The following RNLS variants were observed in gnomAD, a reference collection of about 807,000 sequenced individuals.
RNLS encodes renalase, FAD dependent amine oxidase, also known as renalase.
Under a neutral mutation model 39.8 loss-of-function variants are expected in RNLS, and 39 were observed. The ratio of observed to expected loss-of-function variants is 0.98; its 90% confidence interval spans 0.76 to 1.28. RNLS has a LOEUF of 1.28. Among genes scored for constraint, RNLS ranks in the 50% most tolerant of loss-of-function variants. RNLS has a pLI of 0.00. For missense variants in RNLS, 410 were observed against 413.3 expected (o/e 0.99, Z 0.07); for synonymous variants, 147 against 150.7 (o/e 0.98, Z 0.18).
At chr10:88,374,534 A>G (rs1850814334) in intron 4 of RNLS, among the ~76,000 whole-genome samples, 1 of 152,024 alleles carries the variant, frequency 6.6e-6, no homozygotes, top group South Asian at 2.1e-4. Flanking sequence ...TCCACCTCAC[A>G]CACCTGTTTA....
intron 4 of RNLS, among the ~76,000 whole-genome samples, chr10:88,520,735 T>C (rs943758360): frequency 1.3e-5 from 2 of 152,024 alleles, no homozygotes; most frequent in African/African-American, 4.8e-5. Context: ...AATAGAATCA[T>C]GTCCCCAGAA....
intron 4 of RNLS, among the ~76,000 whole-genome samples, chr10:88,372,144 A>T (rs889070830): frequency 1.3e-5 from 2 of 152,166 alleles, no homozygotes; most frequent in Admixed American, 1.3e-4. Flanking sequence ...TGATCCTGCC[A>T]TACTGGGGGC....
intron 5 of RNLS, among the ~76,000 whole-genome samples, chr10:88,322,027 TAC>T (rs1468943137): frequency 5.9e-5 from 9 of 152,160 alleles, no homozygotes; most frequent in Admixed American, 2.0e-4. Context: ...ATCCCTGATG[TAC>T]ACAGACACAA....
At chr10:88,509,832 C>T (rs1846006170) in intron 4 of RNLS, among the ~76,000 whole-genome samples, 3 of 151,972 alleles carry the variant, frequency 2.0e-5, no homozygotes, top group Admixed American at 2.0e-4. Flanking sequence ...AATAAGATAC[C>T]AATTGGTCAT....
intron 4 of RNLS, among the ~76,000 whole-genome samples, chr10:88,463,515 A>ATT (rs1157058637): frequency 6.6e-6 from 1 of 152,026 alleles, no homozygotes; most frequent in Admixed American, 6.6e-5. Context: ...GTACTTTGTT[A>ATT]CAGCATCCCT....
At chr10:88,192,715 G>A in the RNLS span, among the ~76,000 whole-genome samples, 8 of 152,224 alleles carry the variant, frequency 5.3e-5, no homozygotes, top group Non-Finnish European at 1.0e-4. Flanking sequence ...TTCATCAAAA[G>A]TCTCTTCTGC....
the RNLS span, among the ~76,000 whole-genome samples, chr10:88,258,413 A>C: frequency 2.0e-5 from 3 of 152,208 alleles, no homozygotes; most frequent in Non-Finnish European, 4.4e-5. Context: ...CTAACTCCAC[A>C]ACTCACTTGC....
At chr10:88,456,211 T>C (rs1308597869) in intron 4 of RNLS, among the ~76,000 whole-genome samples, 1 of 152,188 alleles carries the variant, frequency 6.6e-6, no homozygotes, top group Non-Finnish European at 1.5e-5. Flanking sequence ...TCTAAGAAGG[T>C]TGAATAAACA....
intron 4 of RNLS, among the ~76,000 whole-genome samples, chr10:88,438,247 A>G (rs980731595): frequency 6.6e-6 from 1 of 152,122 alleles, no homozygotes; most frequent in East Asian, 1.9e-4. Context: ...CAATCCAGGC[A>G]GAGGGCAAAA....
chr10:88,560,323 CA>C (rs1346259128), intron 4 of RNLS, among the ~76,000 whole-genome samples: 25 of 143,570 alleles, frequency 1.7e-4, no homozygotes, highest in East Asian at 6.1e-4. Context: ...AAGCTGGGGA[CA>C]AAAAAAAAAC....
At chr10:88,497,179 G>T (rs1030895905) in intron 4 of RNLS, among the ~76,000 whole-genome samples, 6 of 151,986 alleles carry the variant, frequency 3.9e-5, no homozygotes, top group Non-Finnish European at 7.4e-5. Flanking sequence ...AACGGAAATT[G>T]TTGAAAATAT....
chr10:88,422,974 C>T (rs189318819), intron 4 of RNLS, among the ~76,000 whole-genome samples: 11 of 152,260 alleles, frequency 7.2e-5, no homozygotes, highest in African/African-American at 2.4e-4. Flanking sequence ...GTCTCAAACT[C>T]TTGGCCTCAA....
At chr10:88,274,765 G>A (rs777105521) in exon 7 of RNLS, 68 of 419,648 alleles carry the variant, frequency 1.6e-4, no homozygotes, top group African/African-American at 1.1e-3. Context: ...AGAAATTGCC[G>A]TATCATTTTC....
At chr10:88,381,494 T>TATAC (rs1228036351) in intron 4 of RNLS, among the ~76,000 whole-genome samples, 2 of 151,766 alleles carry the variant, frequency 1.3e-5, no homozygotes, top group Admixed American at 6.6e-5. Flanking sequence ...TTTATATATA[T>TATAC]ATACATATTA....
chr10:88,444,346 G>A (rs1385763471), intron 4 of RNLS, among the ~76,000 whole-genome samples: 2 of 152,050 alleles, frequency 1.3e-5, no homozygotes, highest in Non-Finnish European at 2.9e-5. Context: ...AAGACCAAAG[G>A]TAGATAAAAC....
chr10:88,432,246 C>T (rs1578696), intron 4 of RNLS, among the ~76,000 whole-genome samples: 79,655 of 151,598 alleles, frequency 0.53, 23,533 homozygotes, highest in African/African-American at 0.79. Context: ...TGTTCTAAAA[C>T]CTACTTTGTC....
intron 5 of RNLS, among the ~76,000 whole-genome samples, chr10:88,345,030 T>A (rs1019447361): frequency 3.9e-5 from 6 of 152,210 alleles, no homozygotes; most frequent in African/African-American, 1.4e-4. Context: ...AGGGCCCACA[T>A]ACGATTTTAG....
At chr10:88,482,677 G>T (rs1055369293) in intron 4 of RNLS, among the ~76,000 whole-genome samples, 4 of 151,942 alleles carry the variant, frequency 2.6e-5, no homozygotes, top group Admixed American at 6.6e-5. Context: ...CAATTTCTAT[G>T]ATAATTTTTT....
At chr10:88,308,076 T>C (rs1845059722) in intron 6 of RNLS, among the ~76,000 whole-genome samples, 4 of 152,252 alleles carry the variant, frequency 2.6e-5, no homozygotes, top group Admixed American at 2.0e-4. Flanking sequence ...GCTAGCCATA[T>C]GCAGAAGATT....
Sources: allele counts gnomAD v4.1 joint callset (sites outside exome capture counted in the v4.1 genomes callset), GRCh38; gene constraint gnomAD v4.1.1; transcripts MANE v1.5; gene names NCBI Gene and HGNC (gene_info 2026-07-23, HGNC 2026-07-21).